The following EXO1 variants were observed in gnomAD, a reference collection of about 807,000 sequenced individuals.
EXO1 encodes exonuclease 1.
In EXO1, 69 loss-of-function variants were observed where a neutral mutation model predicts 84.5. The ratio of observed to expected loss-of-function variants is 0.82; its 90% CI spans 0.67 to 1.00. EXO1 has a LOEUF of 1.00. Ranked by LOEUF, EXO1 falls within the 50% of genes least tolerant of loss-of-function variation. The pLI, the probability that EXO1 is intolerant of heterozygous loss-of-function variation, is 0.00. For missense variants in EXO1, 1,045 were observed against 1,000.7 expected (o/e 1.04, Z -0.60); for synonymous variants, 373 against 366.1 (o/e 1.02, Z -0.21).
rs1185933012 is a variant in EXO1 at position 241,858,686 on chromosome 1, C to T, written c.724C>T (p.Leu242=). The T allele has an allele frequency of 6.2e-7, 1 of 1,613,612 alleles. No individual in the cohort carries two copies. The highest frequency in any genetic ancestry group is 1.1e-5 in the South Asian group (1 of 91,066). Residue 242 remains leucine (L), a synonymous_variant, in exon 8 of 16, where the codon CTA becomes TTA. Coordinates refer to ENST00000366548, the MANE Select transcript of EXO1 (RefSeq NM_130398.4). ...GIGLAKACKV[L]RLANNPDIVK... ...TGGATTAGCAAAGGCATGCAAAGTC[C>T]TAAGACTAGCCAATAATCCAGATAT...
chr1:241,867,349 G>T (rs767416982), intron 11 of EXO1, among the ~76,000 whole-genome samples: 4 of 152,008 alleles, frequency 2.6e-5, no homozygotes, highest in Non-Finnish European at 5.9e-5. Context: ...CAAGTGAAAG[G>T]GTTTTCCCTT....
intron 8 of EXO1, among the ~76,000 whole-genome samples, chr1:241,859,734 G>A (rs941761885): frequency 2.6e-5 from 4 of 152,154 alleles, no homozygotes; most frequent in Admixed American, 1.3e-4. Flanking sequence ...TTGATACCAT[G>A]TATCATATAT....
chr1:241,853,105 G>T (rs952713662), intron 5 of EXO1, among the ~76,000 whole-genome samples: 1 of 152,074 alleles, frequency 6.6e-6, no homozygotes, highest in Admixed American at 6.6e-5. Context: ...TTGACAAAAA[G>T]AATTGCTGTG....
intron 8 of EXO1, among the ~76,000 whole-genome samples, chr1:241,860,108 A>G (rs1375518656): frequency 6.6e-6 from 1 of 152,216 alleles, no homozygotes; most frequent in Non-Finnish European, 1.5e-5. Flanking sequence ...TGACTCTCAC[A>G]GAAATCAGAA....
chr1:241,855,579 C>T (rs750805441), intron 6 of EXO1, among the ~76,000 whole-genome samples: 1 of 152,244 alleles, frequency 6.6e-6, no homozygotes, highest in African/African-American at 2.4e-5. Flanking sequence ...GCCGTCTGCC[C>T]GCACTCCTCA....
rs149095760 is a variant in EXO1, at chr1:241,873,676, C to G, written c.1514+1398C>G. ...TTTTTGTTTTTCAGAAGCTTGTAGT[C>G]CAGTTGGAAAAATAAATACATAAAA... On this transcript the variant is annotated intron_variant, in intron 12 of 15. Transcript: ENST00000366548. Among the ~76,000 whole-genome samples the G allele has an allele frequency of 3.0e-3, 452 of 152,150 alleles. 2 individuals carry two copies. The highest frequency in any genetic ancestry group is 6.8e-3 in the Middle Eastern group (2 of 294).
In EXO1 at chr1:241,879,382, T is replaced by C. The variant is rs781762376; in HGVS notation, c.2109+39T>C. 9 of 1,301,216 alleles carry C rather than the reference T, an allele frequency of 6.9e-6. No homozygotes were observed. The East Asian group carries it at 1.6e-4, about 23-fold the overall frequency. 80.6% of individuals were successfully genotyped at this position (1,301,216 alleles called of 1,614,324 possible). On this transcript the variant is annotated intron_variant, in intron 13 of 15. Coordinates refer to ENST00000366548, the MANE Select transcript of EXO1 (RefSeq NM_130398.4). ...TGAAGGCTTTGTTTTCAAATTTATA[T>C]GTAAGAAAAAATAGATTGTTGCTCA...
chr1:241,851,949 A>G (rs2148383753), intron 4 of EXO1, among the ~76,000 whole-genome samples: 1 of 152,318 alleles, frequency 6.6e-6, no homozygotes, highest in East Asian at 1.9e-4. Context: ...CAACTTTTCA[A>G]TAGATTTGAA....
intron 11 of EXO1, among the ~76,000 whole-genome samples, chr1:241,870,471 T>C (rs1390882479): frequency 6.6e-6 from 1 of 152,208 alleles, no homozygotes; most frequent in East Asian, 1.9e-4. Context: ...AGTATGATTA[T>C]TGAAATGTGA....
At chr1:241,849,733 G>A (rs1660545585) in intron 3 of EXO1, among the ~76,000 whole-genome samples, 1 of 152,152 alleles carries the variant, frequency 6.6e-6, no homozygotes, top group Non-Finnish European at 1.5e-5. Context: ...TTTGCACGTT[G>A]ACCCTTATGA....
At chr1:241,873,169 AC>A (rs1002414127) in intron 12 of EXO1, among the ~76,000 whole-genome samples, 1 of 151,826 alleles carries the variant, frequency 6.6e-6, no homozygotes, top group Non-Finnish European at 1.5e-5. Flanking sequence ...GGTGTGCTGC[AC>A]CCATTAACTC....
chr1:241,882,057 G>A (rs757270015), intron 14 of EXO1, 40 bp downstream of exon 14: 101 of 957,050 alleles, frequency 1.1e-4, no homozygotes, highest in African/African-American at 9.8e-5. Flanking sequence ...TTTCAGAAGC[G>A]GTGTATGCTT....
In EXO1 at chr1:241,872,109, G is replaced by A. The variant is rs1292030644; in HGVS notation, c.1345G>A (p.Gly449Ser). The A allele has an allele frequency of 2.4e-5, 39 of 1,613,772 alleles. No individual in the cohort carries two copies. Among genetic ancestry groups the A allele is most frequent in the Non-Finnish European group, 3.3e-5 (39 of 1,179,822 alleles). ...GAAGACCAAGAAAAATAGCTCTGAA[G>A]GCAATAAATCATTGAGCTTTTCTGA... Reference protein sequence around the residue: ...TKKTKKNSSEGNKSLSFSEVF... With the variant: ...TKKTKKNSSESNKSLSFSEVF... The change falls in exon 12 of 16, where the codon GGC (glycine) becomes AGC (serine). Residue 449 changes from glycine to serine, a missense_variant. Gly to Ser is a moderately conservative substitution (Grantham distance 56). Transcript: ENST00000366548.
At chr1:241,867,341 A>G (rs1262482433) in intron 11 of EXO1, among the ~76,000 whole-genome samples, 1 of 152,182 alleles carries the variant, frequency 6.6e-6, no homozygotes, top group Non-Finnish European at 1.5e-5. Flanking sequence ...ATGAGAGCCA[A>G]GTGAAAGGGT....
intron 10 of EXO1, among the ~76,000 whole-genome samples, chr1:241,862,968 C>G (rs1488030251): frequency 1.3e-5 from 2 of 152,122 alleles, no homozygotes; most frequent in African/African-American, 4.8e-5. Context: ...AAGTAAGATC[C>G]TTGCCTGTCA....
At position 241,857,493 on chromosome 1, in the gene EXO1, C is replaced by G; in HGVS notation, c.543+11C>G. 1 of 1,610,376 alleles carries G rather than the reference C, an allele frequency of 6.2e-7. No individual in the cohort carries two copies. The highest frequency in any genetic ancestry group is 8.5e-7 in the Non-Finnish European group (1 of 1,177,308). ...TTTGGCTGTAAAAAGGTACTCACCT[C>G]TGACTACTATATATTACTTTTCTAT... On this transcript the variant is annotated intron_variant, in intron 7 of 15. Coordinates refer to ENST00000366548, the MANE Select transcript of EXO1 (RefSeq NM_130398.4).
chr1:241,861,169 G>A (rs927559601), intron 9 of EXO1, among the ~76,000 whole-genome samples: 18 of 152,210 alleles, frequency 1.2e-4, no homozygotes, highest in African/African-American at 3.9e-4. Flanking sequence ...TTCCCTTAAA[G>A]GCAGGGAGTC....
intron 12 of EXO1, among the ~76,000 whole-genome samples, chr1:241,875,644 C>A (rs898107114): frequency 2.4e-4 from 36 of 152,120 alleles, no homozygotes; most frequent in Admixed American, 2.2e-3. Flanking sequence ...TTTGGGAGGC[C>A]AAGGCGGTCG....
At chr1:241,873,775 C>G (rs1000931670) in intron 12 of EXO1, among the ~76,000 whole-genome samples, 2 of 152,114 alleles carry the variant, frequency 1.3e-5, no homozygotes, top group African/African-American at 4.8e-5. Context: ...CAAGGGGCAT[C>G]TAATGCTGGG....
Sources: allele counts gnomAD v4.1 joint callset (sites outside exome capture counted in the v4.1 genomes callset), GRCh38; gene constraint gnomAD v4.1.1; transcripts MANE v1.5; gene names NCBI Gene and HGNC (gene_info 2026-07-23, HGNC 2026-07-21).